Variants in PALLD observed in about 807,000 individuals in gnomAD.
PALLD encodes the protein palladin, cytoskeletal associated protein.
In PALLD, 61 loss-of-function variants were observed where a neutral mutation model predicts 123.5. The observed-to-expected ratio is 0.49, with a 90% CI of 0.40 to 0.61. The LOEUF (loss-of-function observed/expected upper bound fraction) is 0.61, where lower values mean the gene tolerates loss of function less well. Among genes scored for constraint, PALLD ranks in the 20% least tolerant of loss-of-function variants. The pLI is 0.00. For missense variants in PALLD, 1,273 were observed against 1,377.0 expected (o/e 0.92, Z 1.20); for synonymous variants, 465 against 496.4 (o/e 0.94, Z 0.84).
At position 168,717,243 on chromosome 4, in the gene PALLD, T is replaced by G. The variant is rs2150239808; in HGVS notation, c.1964+5320T>G. On this transcript the variant is annotated intron_variant, in intron 10 of 21. Coordinates refer to ENST00000505667, the MANE Select transcript of PALLD (RefSeq NM_001166108.2). The stretch of plus-strand genomic sequence containing the variant: ...ACAAATAGTAGATGCTCAACGATGT[T>G]TTTTGAATGAATGAAGCAAAAGCAG... Among the ~76,000 whole-genome samples the G allele has an allele frequency of 1.3e-5, 2 of 152,312 alleles. 1 individual carries two copies. The highest frequency in any genetic ancestry group is 4.1e-4 in the South Asian group (2 of 4,826).
intron 8 of PALLD, among the ~76,000 whole-genome samples, chr4:168,693,070 C>T (rs967853509): frequency 6.7e-6 from 1 of 148,850 alleles, no homozygotes; most frequent in African/African-American, 2.6e-5. Flanking sequence ...CATCACTTAT[C>T]CTACATACGC....
intron 10 of PALLD, among the ~76,000 whole-genome samples, chr4:168,853,395 T>G (rs1296517614): frequency 6.6e-6 from 1 of 152,090 alleles, no homozygotes; most frequent in African/African-American, 2.4e-5. Context: ...TTACCAAAGC[T>G]AGAAAAGACC....
At chr4:168,635,362 T>A (rs1297414537) in intron 2 of PALLD, among the ~76,000 whole-genome samples, 1 of 152,162 alleles carries the variant, frequency 6.6e-6, no homozygotes. Flanking sequence ...AACACTTGGG[T>A]GCAACACTTC....
chr4:168,806,225 T>C (rs13118233), intron 10 of PALLD, among the ~76,000 whole-genome samples: 125,942 of 151,970 alleles, frequency 0.83, 52,765 homozygotes, highest in Non-Finnish European at 0.89. Flanking sequence ...CCACCACGCC[T>C]GGCTAATTTT....
At chr4:168,550,195 T>TA (rs1766585517) in intron 2 of PALLD, among the ~76,000 whole-genome samples, 2 of 152,100 alleles carry the variant, frequency 1.3e-5, no homozygotes. Flanking sequence ...GCACACTTAA[T>TA]AAAAAGGAGA....
At chr4:168,923,487 A>G (rs1283998441) in intron 18 of PALLD, among the ~76,000 whole-genome samples, 1 of 152,220 alleles carries the variant, frequency 6.6e-6, no homozygotes, top group African/African-American at 2.4e-5. Flanking sequence ...TTCCACCACT[A>G]CTACAACTGA....
At chr4:168,501,448 G>A (rs1350664493) in intron 1 of PALLD, among the ~76,000 whole-genome samples, 1 of 152,136 alleles carries the variant, frequency 6.6e-6, no homozygotes, top group Non-Finnish European at 1.5e-5. Flanking sequence ...TGCCCAGGGA[G>A]TTAACAAAAT....
intron 2 of PALLD, among the ~76,000 whole-genome samples, chr4:168,632,594 G>A (rs1004243388): frequency 6.6e-6 from 1 of 152,272 alleles, no homozygotes; most frequent in Non-Finnish European, 1.5e-5. Context: ...TTTGGACGGG[G>A]TCCCTGTTGT....
At chr4:168,555,933 A>C (rs569348598) in intron 2 of PALLD, among the ~76,000 whole-genome samples, 1 of 152,196 alleles carries the variant, frequency 6.6e-6, no homozygotes, top group South Asian at 2.1e-4. Flanking sequence ...AACCTAAGAC[A>C]CCCTATTTAA....
chr4:168,554,653 A>G (rs1472992452), intron 2 of PALLD, among the ~76,000 whole-genome samples: 3 of 152,172 alleles, frequency 2.0e-5, no homozygotes, highest in African/African-American at 7.2e-5. Context: ...TTTTTAAAAG[A>G]TTTTTGTTAT....
Position 168,894,626 on chromosome 4 carries a change from C to T in PALLD, c.2148C>T (p.Asp716=), listed in dbSNP as rs1335231320. The change falls in exon 12 of 22, where the codon GAC becomes GAT. Residue 716 remains aspartate (D), a synonymous_variant. Coordinates refer to ENST00000505667, the MANE Select transcript of PALLD (RefSeq NM_001166108.2). ...TGGCTCGTCGACTGCTAGGTGCTGA[C>T]AGTGCAACTGTCTTTAATATTCAGG... is the stretch of plus-strand genomic sequence containing the variant. ...ERMARRLLGA[D]SATVFNIQEP... is the part of the protein sequence containing the mutation. The T allele has an allele frequency of 5.0e-6, 8 of 1,613,588 alleles. No individual in the cohort carries two copies. Among genetic ancestry groups the T allele is most frequent in the Non-Finnish European group, 6.8e-6 (8 of 1,179,774 alleles).
chr4:168,596,548 T>C (rs1771996021), intron 2 of PALLD, among the ~76,000 whole-genome samples: 1 of 152,062 alleles, frequency 6.6e-6, no homozygotes, highest in South Asian at 2.1e-4. Flanking sequence ...GAAATGACTT[T>C]TGGACATTTC....
At chr4:168,623,914 A>G (rs962873439) in intron 2 of PALLD, among the ~76,000 whole-genome samples, 1 of 152,228 alleles carries the variant, frequency 6.6e-6, no homozygotes, top group Non-Finnish European at 1.5e-5. Flanking sequence ...TCCATGATAA[A>G]TAAGTCAACA....
At chr4:168,850,456 A>C (rs2150974567) in intron 10 of PALLD, among the ~76,000 whole-genome samples, 1 of 150,930 alleles carries the variant, frequency 6.6e-6, no homozygotes, top group Non-Finnish European at 1.5e-5. Flanking sequence ...GCCTGGAAAA[A>C]ATGCGGTATA....
intron 2 of PALLD, among the ~76,000 whole-genome samples, chr4:168,586,018 C>A (rs551922885): frequency 1.4e-4 from 22 of 152,052 alleles, no homozygotes; most frequent in African/African-American, 5.3e-4. Flanking sequence ...TAAATGTTAC[C>A]AATGTCCTCA....
At chr4:168,794,470 G>A (rs1449436728) in intron 10 of PALLD, among the ~76,000 whole-genome samples, 2 of 148,626 alleles carry the variant, frequency 1.3e-5, no homozygotes, top group Non-Finnish European at 1.5e-5. Flanking sequence ...ACAGACGTAC[G>A]TGCACACGCA....
intron 10 of PALLD, among the ~76,000 whole-genome samples, chr4:168,727,927 G>C (rs1157404941): frequency 6.6e-6 from 1 of 152,114 alleles, no homozygotes; most frequent in African/African-American, 2.4e-5. Context: ...TTTTGCATAG[G>C]GCTAGCCAGC....
At chr4:168,792,439 G>A (rs756140495) in intron 10 of PALLD, among the ~76,000 whole-genome samples, 21 of 151,986 alleles carry the variant, frequency 1.4e-4, no homozygotes, top group African/African-American at 4.8e-4. Context: ...GCAGCCTCCC[G>A]TGTCCCCCAC....
At chr4:168,715,721 T>C (rs1187685903) in intron 10 of PALLD, among the ~76,000 whole-genome samples, 1 of 152,238 alleles carries the variant, frequency 6.6e-6, no homozygotes, top group African/African-American at 2.4e-5. Context: ...AAGGCCAAGG[T>C]GGGCGGATCA....
Sources: allele counts gnomAD v4.1 joint callset (sites outside exome capture counted in the v4.1 genomes callset), GRCh38; gene constraint gnomAD v4.1.1; transcripts MANE v1.5; gene names NCBI Gene and HGNC (gene_info 2026-07-23, HGNC 2026-07-21).